Variants in ASIC2 observed in about 807,000 individuals in gnomAD.
ASIC2 encodes acid-sensing ion channel 2.
In ASIC2, 25 loss-of-function variants were observed where a neutral mutation model predicts 57.3. The observed-to-expected ratio is 0.44, with a 90% CI of 0.32 to 0.61. The LOEUF (loss-of-function observed/expected upper bound fraction) is 0.61, where lower values mean the gene tolerates loss of function less well. Ranked by LOEUF, ASIC2 falls within the 20% of genes least tolerant of loss-of-function variation. The pLI, the probability that ASIC2 is intolerant of heterozygous loss-of-function variation, is 0.06. For missense variants in ASIC2, 641 were observed against 738.1 expected (o/e 0.87, Z 1.52); for synonymous variants, 319 against 307.5 (o/e 1.04, Z -0.39).
intron 1 of ASIC2, among the ~76,000 whole-genome samples, chr17:34,099,184 GAAAGAAAGAAAGAAAGAAA>G (rs1567821027): frequency 3.4e-5 from 2 of 58,226 alleles, no homozygotes; most frequent in Non-Finnish European, 7.0e-5. Context: ...AAGAAAGAAA[GAAAGAAAGAAAGAAAGAAA>G]GAAAGAAAGG....
intron 1 of ASIC2, among the ~76,000 whole-genome samples, chr17:34,030,646 C>G (rs543537608): frequency 1.1e-4 from 17 of 152,306 alleles, no homozygotes; most frequent in Middle Eastern, 3.4e-3. Context: ...AAAATCGGGT[C>G]ACTCCCACCC....
chr17:33,288,189 T>C (rs1439615124), intron 1 of ASIC2, among the ~76,000 whole-genome samples: 1 of 151,632 alleles, frequency 6.6e-6, no homozygotes, highest in East Asian at 1.9e-4. Context: ...CTAAACAGGG[T>C]GGAAGAGGGG....
At chr17:33,545,972 G>A (rs185620003) in intron 1 of ASIC2, among the ~76,000 whole-genome samples, 25 of 152,044 alleles carry the variant, frequency 1.6e-4, no homozygotes, top group African/African-American at 6.0e-4. Flanking sequence ...TTCCATTCTG[G>A]AATTCTGTTT....
chr17:33,836,089 T>A (rs1913266400), intron 1 of ASIC2, among the ~76,000 whole-genome samples: 1 of 149,864 alleles, frequency 6.7e-6, no homozygotes, highest in Non-Finnish European at 1.5e-5. Flanking sequence ...CACACATATA[T>A]AATTATCTCA....
intron 2 of ASIC2, chr17:33,099,932 T>C (rs2092204620): frequency 6.6e-6 from 1 of 152,232 alleles, no homozygotes; most frequent in Admixed American, 6.5e-5. Flanking sequence ...TATACAATAT[T>C]CTCTCAATGA....
At chr17:33,826,766 T>C (rs1210712767) in intron 1 of ASIC2, among the ~76,000 whole-genome samples, 2 of 151,860 alleles carry the variant, frequency 1.3e-5, no homozygotes, top group African/African-American at 4.8e-5. Context: ...AGATATAGGG[T>C]GGAAAAGGAG....
At chr17:33,959,564 C>T (rs2141990819) in intron 1 of ASIC2, among the ~76,000 whole-genome samples, 1 of 152,344 alleles carries the variant, frequency 6.6e-6, no homozygotes, top group East Asian at 1.9e-4. Context: ...TGGCTGACCA[C>T]TGGTGTAAGT....
chr17:33,770,021 A>G (rs931889290), intron 1 of ASIC2, among the ~76,000 whole-genome samples: 1 of 152,236 alleles, frequency 6.6e-6, no homozygotes, highest in African/African-American at 2.4e-5. Context: ...AGAAAGCTGA[A>G]TGACCACTGA....
chr17:33,759,197 G>A (rs866339483), intron 1 of ASIC2, among the ~76,000 whole-genome samples: 1 of 152,196 alleles, frequency 6.6e-6, no homozygotes, highest in Admixed American at 6.5e-5. Flanking sequence ...TTGGAAACTG[G>A]AGTAAAGGCC....
intron 1 of ASIC2, among the ~76,000 whole-genome samples, chr17:34,068,775 C>A (rs1909271844): frequency 6.6e-6 from 1 of 152,190 alleles, no homozygotes; most frequent in South Asian, 2.1e-4. Context: ...CCACCCCAGG[C>A]CTGGCATGGT....
intron 1 of ASIC2, among the ~76,000 whole-genome samples, chr17:33,843,062 GC>G (rs1913486405): frequency 6.6e-6 from 1 of 152,206 alleles, no homozygotes; most frequent in Non-Finnish European, 1.5e-5. Context: ...TCAGTGTTAT[GC>G]CCGTGCACAT....
chr17:33,997,124 T>A (rs867666772), intron 1 of ASIC2, among the ~76,000 whole-genome samples: 1 of 151,926 alleles, frequency 6.6e-6, no homozygotes, highest in Non-Finnish European at 1.5e-5. Flanking sequence ...TATTGTTTCC[T>A]AAATTTATTT....
chr17:33,409,325 G>C (rs1284606844), intron 1 of ASIC2, among the ~76,000 whole-genome samples: 1 of 152,180 alleles, frequency 6.6e-6, no homozygotes, highest in Admixed American at 6.5e-5. Flanking sequence ...ATCTGCAGTG[G>C]GGCATCAGCA....
chr17:34,058,813 T>C (rs1310551249), intron 1 of ASIC2, among the ~76,000 whole-genome samples: 2 of 152,192 alleles, frequency 1.3e-5, no homozygotes, highest in African/African-American at 4.8e-5. Context: ...CTGAGCATTT[T>C]CCATGTGCCA....
intron 1 of ASIC2, among the ~76,000 whole-genome samples, chr17:33,414,552 G>A (rs1045720653): frequency 6.6e-5 from 10 of 152,158 alleles, no homozygotes; most frequent in Non-Finnish European, 1.2e-4. Context: ...TCTCTGGAGG[G>A]GGTCAAGGCC....
chr17:33,113,034 C>T (rs545470990), intron 1 of ASIC2, among the ~76,000 whole-genome samples: 34 of 152,286 alleles, frequency 2.2e-4, no homozygotes, highest in Admixed American at 7.2e-4. Flanking sequence ...TCAGTGACTA[C>T]GTCTGCTTAC....
rs143119994 is a variant in ASIC2, at chr17:33,392,832, T to C, written c.556-280765A>G. Among the ~76,000 whole-genome samples, 4 of 152,316 alleles carry C rather than the reference T, an allele frequency of 2.6e-5. No homozygotes were observed. The South Asian group carries it at 6.2e-4, about 24-fold the overall frequency. The stretch of plus-strand genomic sequence containing the variant: ...GCATTCCTCTGAACGCTATACTTTA[T>C]AGAAGCAGAGACCATAAATGTTCAC... On this transcript the variant is annotated intron_variant, in intron 1 of 9. Coordinates refer to the ASIC2 transcript ENST00000359872.
chr17:33,100,851 C>G (rs540004605), intron 2 of ASIC2, among the ~76,000 whole-genome samples: 1 of 152,330 alleles, frequency 6.6e-6, no homozygotes, highest in South Asian at 2.1e-4. Context: ...CTTGCACCAG[C>G]TGGGAGTTTT....
chr17:33,289,135 A>G (rs757154785), intron 1 of ASIC2, among the ~76,000 whole-genome samples: 1 of 152,152 alleles, frequency 6.6e-6, no homozygotes, highest in Non-Finnish European at 1.5e-5. Context: ...CTGGGCCATG[A>G]TAGGAAGCCA....
Sources: gnomAD v4.1 joint callset for allele counts (sites outside exome capture counted in the v4.1 genomes callset) on GRCh38, gnomAD v4.1.1 for gene constraint, MANE v1.5 for transcripts, NCBI Gene and HGNC (gene_info 2026-07-23, HGNC 2026-07-21) for gene names.